ADGRL3: variants seen among roughly 807,000 people sequenced by gnomAD.
ADGRL3 encodes the protein calcium-independent alpha-latrotoxin receptor 3.
In ADGRL3, 62 loss-of-function variants were observed where a neutral mutation model predicts 153.5. The ratio of observed to expected loss-of-function variants is 0.40; its 90% CI spans 0.33 to 0.50. The LOEUF (loss-of-function observed/expected upper bound fraction) is 0.50. ADGRL3 is among the 20% of genes least tolerant of loss of function. The pLI is 0.47. For synonymous variants in ADGRL3, 710 were observed against 672.5 expected (o/e 1.06, Z -0.86); for missense variants, 1,641 against 1,859.4 (o/e 0.88, Z 2.16).
intron 9 of ADGRL3, among the ~76,000 whole-genome samples, chr4:61,823,910 A>C (rs573129982): frequency 6.6e-6 from 1 of 152,102 alleles, no homozygotes; most frequent in Non-Finnish European, 1.5e-5. Context: ...AAATACAAAA[A>C]ATTAGCTGGG....
chr4:61,847,704 T>C (rs1190553440), intron 9 of ADGRL3, among the ~76,000 whole-genome samples: 1 of 38,574 alleles, frequency 2.6e-5, no homozygotes, highest in Non-Finnish European at 4.5e-5. Context: ...TAAAATATAT[T>C]ATATATATAA....
chr4:61,694,765 C>G (rs1433918435), intron 6 of ADGRL3, among the ~76,000 whole-genome samples: 2 of 152,168 alleles, frequency 1.3e-5, no homozygotes, highest in African/African-American at 4.8e-5. Context: ...TAGCATTTGG[C>G]CCACAGAAGA....
intron 17 of ADGRL3, among the ~76,000 whole-genome samples, chr4:61,953,303 C>T (rs2098954355): frequency 6.6e-6 from 1 of 152,076 alleles, no homozygotes; most frequent in Non-Finnish European, 1.5e-5. Context: ...AGAAAGAGTG[C>T]AAGAAGAGTT....
At chr4:61,297,389 TC>T (rs2094444349) in intron 1 of ADGRL3, among the ~76,000 whole-genome samples, 1 of 152,148 alleles carries the variant, frequency 6.6e-6, no homozygotes, top group Non-Finnish European at 1.5e-5. Context: ...ATTGCCGATT[TC>T]AGTCTTTATC....
chr4:61,797,569 A>T (rs1245353566), intron 8 of ADGRL3, among the ~76,000 whole-genome samples: 2 of 152,182 alleles, frequency 1.3e-5, no homozygotes, highest in Admixed American at 1.3e-4. Flanking sequence ...GCAGAATTAA[A>T]TATTCAATAA....
chr4:61,932,401 T>C (rs547541413), intron 13 of ADGRL3, among the ~76,000 whole-genome samples: 2 of 152,260 alleles, frequency 1.3e-5, no homozygotes, highest in South Asian at 4.1e-4. Flanking sequence ...GTGCTGACTT[T>C]TGTCAAACAC....
chr4:61,562,606 G>A (rs759274857), intron 4 of ADGRL3, among the ~76,000 whole-genome samples: 1 of 152,074 alleles, frequency 6.6e-6, no homozygotes, highest in Non-Finnish European at 1.5e-5. Flanking sequence ...TCCCCAAGAA[G>A]CAACTCCTCT....
intron 5 of ADGRL3, among the ~76,000 whole-genome samples, chr4:61,671,093 C>T (rs2094977154): frequency 6.6e-6 from 1 of 152,102 alleles, no homozygotes; most frequent in Non-Finnish European, 1.5e-5. Context: ...CCTAAACAGC[C>T]CCTACCTGCC....
chr4:61,931,216 C>A (rs1041335441), intron 13 of ADGRL3, among the ~76,000 whole-genome samples: 3 of 152,096 alleles, frequency 2.0e-5, no homozygotes, highest in Non-Finnish European at 4.4e-5. Context: ...TTCCTCAAAG[C>A]TCCAGGTAGT....
chr4:61,937,312 C>G (rs973283372), intron 15 of ADGRL3, among the ~76,000 whole-genome samples: 11 of 152,068 alleles, frequency 7.2e-5, no homozygotes, highest in African/African-American at 2.7e-4. Context: ...TCACATTTGT[C>G]TTCAGCATGT....
At chr4:61,388,708 C>T (rs949418977) in intron 2 of ADGRL3, among the ~76,000 whole-genome samples, 1 of 152,214 alleles carries the variant, frequency 6.6e-6, no homozygotes, top group African/African-American at 2.4e-5. Context: ...CCTGTTCCAT[C>T]TTCAACCTTC....
chr4:61,221,012 A>C (rs1166378414), intron 1 of ADGRL3, among the ~76,000 whole-genome samples: 2 of 152,292 alleles, frequency 1.3e-5, no homozygotes, highest in South Asian at 4.1e-4. Flanking sequence ...CCCTGAATCA[A>C]TTATTTTTAG....
intron 21 of ADGRL3, among the ~76,000 whole-genome samples, chr4:62,005,598 A>C (rs1190348465): frequency 6.6e-6 from 1 of 152,132 alleles, no homozygotes; most frequent in Admixed American, 6.6e-5. Flanking sequence ...TGTTCTTTTT[A>C]TAGAGCTTAG....
chr4:61,697,565 A>AG lies in ADGRL3; in HGVS notation c.583+20630_583+20631insG, dbSNP rs1406171632. On this transcript the variant is annotated intron_variant, in intron 6 of 26. Transcript: ENST00000683033. ...CAAAAGTGAAACTCCTAAAAAAAAA[A>AG]AAAGAAAGAAATATTATCCAGAACT... Among the ~76,000 whole-genome samples, 14 of 151,694 alleles carry AG rather than the reference A, an allele frequency of 9.2e-5. 1 individual carries two copies. Among genetic ancestry groups the AG allele is most frequent in the African/African-American group, 3.4e-4 (14 of 41,260 alleles).
At chr4:61,700,970 C>A (rs1371360157) in intron 6 of ADGRL3, among the ~76,000 whole-genome samples, 1 of 152,162 alleles carries the variant, frequency 6.6e-6, no homozygotes, top group East Asian at 1.9e-4. Context: ...TAAGTAGAGA[C>A]CTGAAGTTTG....
intron 2 of ADGRL3, among the ~76,000 whole-genome samples, chr4:61,490,355 C>T (rs1289950453): frequency 3.9e-5 from 6 of 151,914 alleles, no homozygotes; most frequent in Non-Finnish European, 8.8e-5. Flanking sequence ...TTCTCTTCCT[C>T]ATTGTTTCCT....
intron 11 of ADGRL3, among the ~76,000 whole-genome samples, chr4:61,908,875 G>T (rs1300636637): frequency 2.0e-5 from 3 of 151,978 alleles, no homozygotes; most frequent in African/African-American, 4.8e-5. Flanking sequence ...TATCAAATTT[G>T]TTCTAGTGAT....
At chr4:61,580,307 C>CA (rs1186468170) in intron 4 of ADGRL3, among the ~76,000 whole-genome samples, 1 of 151,756 alleles carries the variant, frequency 6.6e-6, no homozygotes, top group Non-Finnish European at 1.5e-5. Flanking sequence ...GATGCAGGGG[C>CA]AAAAAATCGT....
At chr4:61,210,419 A>G (rs954213622) in intron 1 of ADGRL3, among the ~76,000 whole-genome samples, 1 of 152,068 alleles carries the variant, frequency 6.6e-6, no homozygotes, top group African/African-American at 2.4e-5. Context: ...AATAGAGGAG[A>G]GACTCAAGCC....
Sources: allele counts gnomAD v4.1 joint callset (sites outside exome capture counted in the v4.1 genomes callset), GRCh38; gene constraint gnomAD v4.1.1; transcripts MANE v1.5; gene names NCBI Gene and HGNC (gene_info 2026-07-23, HGNC 2026-07-21).